Variants in PLCE1 observed in about 807,000 individuals in gnomAD.
PLCE1 encodes the protein phospholipase C epsilon 1.
PLCE1 carries 119 observed loss-of-function variants against 242.8 expected under a neutral mutation model. That is an observed-to-expected ratio of 0.49 (90% CI 0.42 to 0.57). The LOEUF (loss-of-function observed/expected upper bound fraction) is 0.57, where lower values mean the gene tolerates loss of function less well. Ranked by LOEUF, PLCE1 falls within the 20% of genes least tolerant of loss-of-function variation. The pLI is 0.00. For synonymous variants in PLCE1, 945 were observed against 1,017.4 expected, an observed-to-expected ratio of 0.93 and a Z score of 1.35; for missense variants, 2,441 against 2,788.8, an observed-to-expected ratio of 0.88 and a Z score of 2.81.
chr10:94,285,511 A>C (rs954607859), intron 22 of PLCE1, among the ~76,000 whole-genome samples: 3 of 152,186 alleles, frequency 2.0e-5, no homozygotes, highest in Non-Finnish European at 4.4e-5. Flanking sequence ...ACCAAGGTAC[A>C]TGCTTTCTCT....
At chr10:94,164,263 A>C (rs1590162306) in intron 3 of PLCE1, among the ~76,000 whole-genome samples, 5 of 152,066 alleles carry the variant, frequency 3.3e-5, no homozygotes, top group Admixed American at 2.6e-4. Flanking sequence ...GCTTGGTTCC[A>C]TTCTCCCCAT....
Position 94,332,517 on chromosome 10 carries a change from G to A in PLCE1, c.*4574G>A, listed in dbSNP as rs1009182252. ...GATATGTGTGTGCCTGTGTGTGTGT[G>A]TGTGTGTGTGTGTGTGTGTGTGTGT... On this transcript the variant is annotated 3_prime_UTR_variant, in exon 33 of 33. Coordinates refer to ENST00000371380, the MANE Select transcript of PLCE1 (RefSeq NM_016341.4). The A allele has an allele frequency of 1.6e-5, 2 of 127,082 alleles. No individual in the cohort carries two copies. The highest frequency in any genetic ancestry group is 5.6e-5 in the African/African-American group (2 of 35,860). 7.9% of individuals were successfully genotyped at this position (127,082 alleles called of 1,614,324 possible).
rs773151394 is a variant in PLCE1 at position 94,262,676 on chromosome 10, C to T, written c.3997C>T (p.Leu1333Phe). The T allele has an allele frequency of 7.4e-6, 12 of 1,614,094 alleles. No individual in the cohort carries two copies. Among genetic ancestry groups the T allele is most frequent in the East Asian group, 2.2e-5 (1 of 44,866 alleles). The change falls in exon 14 of 33, where the codon CTC (leucine) becomes TTC (phenylalanine). Residue 1333 changes from leucine to phenylalanine, a missense_variant. By Grantham distance (22) the Leu-to-Phe change is conservative (BLOSUM62 0). Around this residue, in one of 5 missense-constraint regions of PLCE1, gnomAD observed 1,004 missense variants for 1,322.7 expected, o/e 0.76. Coordinates refer to ENST00000371380, the MANE Select transcript of PLCE1 (RefSeq NM_016341.4). ...GVGILQLNDF[L>F]VNCQGEHCTY... ...GGGCATACTTCAGCTCAACGATTTC[C>T]TCGTGAATTGCCAAGGAGAACACTG...
At chr10:94,195,216 T>C (rs559502464) in intron 4 of PLCE1, among the ~76,000 whole-genome samples, 1 of 152,260 alleles carries the variant, frequency 6.6e-6, no homozygotes, top group Admixed American at 6.5e-5. Flanking sequence ...ACATAGCATG[T>C]TCTCCCCTCC....
chr10:94,114,130 T>C (rs2046041070), intron 2 of PLCE1, among the ~76,000 whole-genome samples: 1 of 152,176 alleles, frequency 6.6e-6, no homozygotes, highest in African/African-American at 2.4e-5. Context: ...CCTTACATTC[T>C]TTGAATGGTT....
At chr10:94,235,062 T>TTA (rs146676401) in intron 6 of PLCE1, among the ~76,000 whole-genome samples, 1 of 135,440 alleles carries the variant, frequency 7.4e-6, no homozygotes, top group Non-Finnish European at 1.6e-5. Context: ...TACTGACCTT[T>TTA]CACACACACA....
At chr10:94,035,006 T>C (rs1005445953) in intron 2 of PLCE1, among the ~76,000 whole-genome samples, 4 of 152,162 alleles carry the variant, frequency 2.6e-5, no homozygotes, top group Non-Finnish European at 4.4e-5. Context: ...TGTCTAAGGA[T>C]GTGTTTCTGT....
intron 4 of PLCE1, among the ~76,000 whole-genome samples, chr10:94,185,507 A>G (rs1167627783): frequency 6.6e-6 from 1 of 152,218 alleles, no homozygotes; most frequent in Non-Finnish European, 1.5e-5. Flanking sequence ...AAAAGAAAAA[A>G]AAATGTCTGG....
chr10:94,223,584 CA>C (rs2049837287), intron 4 of PLCE1, among the ~76,000 whole-genome samples: 1 of 151,896 alleles, frequency 6.6e-6, no homozygotes, highest in Non-Finnish European at 1.5e-5. Flanking sequence ...CTGAGAAAAG[CA>C]AAAGGAAGGA....
chr10:94,028,078 G>T (rs2061486834), intron 1 of PLCE1, among the ~76,000 whole-genome samples: 1 of 152,060 alleles, frequency 6.6e-6, no homozygotes, highest in Admixed American at 6.6e-5. Flanking sequence ...TCTTTGCTTT[G>T]GTTTCTACTC....
chr10:94,210,790 T>C (rs1858611), intron 4 of PLCE1, among the ~76,000 whole-genome samples: 33,534 of 152,116 alleles, frequency 0.22, 4,674 homozygotes, highest in East Asian at 0.46. Context: ...AGAGGAAGTT[T>C]TCTTCCTTTG....
chr10:94,126,094 G>A (rs923542901), intron 2 of PLCE1, among the ~76,000 whole-genome samples: 9 of 152,150 alleles, frequency 5.9e-5, no homozygotes, highest in African/African-American at 1.7e-4. Context: ...GAGTCACAAG[G>A]AACTGCAAAT....
rs145515930 is a variant in PLCE1 at position 94,032,525 on chromosome 10, C to A, written c.1206+273C>A. On this transcript the variant is annotated intron_variant, in intron 2 of 32. Transcript: ENST00000371380. ...TTTCCTGGTAGTGGAAAAATGGCTC[C>A]ATTTGTTGCTTATCTGTTTGTGTTC... 6.5e-3 allele frequency among the ~76,000 whole-genome samples: 984 copies of A among 152,096 alleles called. 11 individuals carry two copies. In the South Asian group the frequency reaches 0.071, roughly 11 times the overall value.
chr10:94,255,914 A>ACACTCTCTCT lies in PLCE1; in HGVS notation c.3554+866_3554+867insACTCTCTCTC, dbSNP rs1284531207. On this transcript the variant is annotated intron_variant, in intron 11 of 32. Transcript: ENST00000371380. ...CACACACACACACACACACACACAC[A>ACACTCTCTCT]CTCTCTCTCTCTCTCTCTCTCTCTC... 7.6e-3 allele frequency among the ~76,000 whole-genome samples: 515 copies of ACACTCTCTCT among 67,334 alleles called. 5 individuals are homozygous for ACACTCTCTCT. The highest frequency in any genetic ancestry group is 0.027 in the Middle Eastern group (2 of 74). 44.2% of individuals were successfully genotyped at this position (67,334 alleles called of 152,430 possible). A position where few individuals can be genotyped will look rare whatever the true frequency, so the allele number is the denominator to read the frequency against.
At chr10:94,009,866 T>A (rs1009103531) in intron 1 of PLCE1, among the ~76,000 whole-genome samples, 5 of 152,244 alleles carry the variant, frequency 3.3e-5, no homozygotes, top group Non-Finnish European at 7.3e-5. Flanking sequence ...GAGTCTGCTA[T>A]CTGTATCTTT....
Position 94,262,599 on chromosome 10 carries a change from T to C in PLCE1, c.3920T>C (p.Ile1307Thr). The C allele has an allele frequency of 6.2e-7, 1 of 1,614,018 alleles. No homozygotes were observed. The highest frequency in any genetic ancestry group is 8.5e-7 in the Non-Finnish European group (1 of 1,179,884). Residue 1307 changes from isoleucine (I) to threonine (T), a missense_variant, in exon 14 of 33, where the codon ATT (isoleucine) becomes ACT (threonine). By Grantham distance (89) the Ile-to-Thr change is moderately conservative. Transcript: ENST00000371380. Reference sequence around the variant, plus strand: ...TCTGATGCCATTGCTGCTGCAAGCATTGTGACAAATGGCACTGGGATTGAG... The same window carrying C: ...TCTGATGCCATTGCTGCTGCAAGCACTGTGACAAATGGCACTGGGATTGAG... ...QISDAIAAAS[I>T]VTNGTGIEST...
At chr10:94,290,578 T>A (rs1285598205) in intron 22 of PLCE1, among the ~76,000 whole-genome samples, 1 of 151,756 alleles carries the variant, frequency 6.6e-6, no homozygotes, top group Non-Finnish European at 1.5e-5. Context: ...TCAGGGACAA[T>A]AACAAGCATG....
At chr10:94,220,374 TTTTATATA>T (rs1201085764) in intron 4 of PLCE1, among the ~76,000 whole-genome samples, 36 of 38,414 alleles carry the variant, frequency 9.4e-4, no homozygotes, top group African/African-American at 3.0e-3. Flanking sequence ...AAACTAAACA[TTTTATATA>T]TATATATATA....
At chr10:94,158,859 T>C (rs899549634) in intron 3 of PLCE1, among the ~76,000 whole-genome samples, 9 of 144,116 alleles carry the variant, frequency 6.2e-5, no homozygotes, top group Non-Finnish European at 9.2e-5. Context: ...TTTTTCTTTT[T>C]TTTTTTTTTT....
Sources: allele counts gnomAD v4.1 joint callset (sites outside exome capture counted in the v4.1 genomes callset), GRCh38; gene constraint gnomAD v4.1.1; regional missense constraint gnomAD v4.1.1; transcripts MANE v1.5; gene names NCBI Gene and HGNC (gene_info 2026-07-23, HGNC 2026-07-21).